TMEM182: variants seen among roughly 807,000 people sequenced by gnomAD.
TMEM182 encodes the protein transmembrane protein 182.
Under a neutral mutation model 26.8 loss-of-function variants are expected in TMEM182, and 20 were observed. The ratio of observed to expected loss-of-function variants is 0.75; its 90% CI spans 0.53 to 1.09. TMEM182 has a LOEUF of 1.09. Among genes scored for constraint, TMEM182 ranks in the 50% least tolerant of loss-of-function variants. The pLI, the probability that TMEM182 is intolerant of heterozygous loss-of-function variation, is 0.00. For synonymous variants in TMEM182, 109 were observed against 102.2 expected (o/e 1.07, Z -0.40); for missense variants, 277 against 275.5 (o/e 1.01, Z -0.04).
chr2:102,808,662 A>G (rs1463747945), intron 4 of TMEM182, among the ~76,000 whole-genome samples: 1 of 152,200 alleles, frequency 6.6e-6, no homozygotes, highest in Admixed American at 6.5e-5. Flanking sequence ...TTTCATTCAT[A>G]ATAGTTAGAA....
At chr2:102,839,457 A>ATG (rs1341921809) in intron 3 of TMEM182, among the ~76,000 whole-genome samples, 2 of 146,554 alleles carry the variant, frequency 1.4e-5, no homozygotes, top group Non-Finnish European at 3.0e-5. Flanking sequence ...CTATATATAT[A>ATG]TATATATATA....
rs73003316 is a variant in TMEM182, at chr2:102,740,146, C to T, written c.-83+3133C>T. Among the ~76,000 whole-genome samples the T allele has an allele frequency of 3.4e-3, 514 of 152,240 alleles. 3 individuals carry two copies. The highest frequency in any genetic ancestry group is 0.012 in the African/African-American group (499 of 41,534). On this transcript the variant is annotated intron_variant, in intron 1 of 5. Transcript: ENST00000409173. Reference sequence around the variant, plus strand: ...CTCATTTATGGTGTACTGCATGTAACTATGTGTCATTTGATTTGTTAATGA... The same window carrying T: ...CTCATTTATGGTGTACTGCATGTAATTATGTGTCATTTGATTTGTTAATGA...
chr2:102,787,714 T>G (rs1300800029), intron 3 of TMEM182, among the ~76,000 whole-genome samples: 1 of 152,230 alleles, frequency 6.6e-6, no homozygotes, highest in Non-Finnish European at 1.5e-5. Flanking sequence ...TCCTAGAAGA[T>G]GCAGAGGGAT....
intron 3 of TMEM182, among the ~76,000 whole-genome samples, chr2:102,783,008 G>A (rs1377704835): frequency 6.6e-6 from 1 of 152,140 alleles, no homozygotes; most frequent in Non-Finnish European, 1.5e-5. Context: ...ATAAACCATA[G>A]ATTTAATATT....
At chr2:102,810,262 A>C (rs1682503824) in intron 4 of TMEM182, among the ~76,000 whole-genome samples, 1 of 152,136 alleles carries the variant, frequency 6.6e-6, no homozygotes, top group South Asian at 2.1e-4. Context: ...TTTGTTTTTA[A>C]ATCTGGTTCT....
upstream of TMEM182, among the ~76,000 whole-genome samples, chr2:102,759,907 C>T (rs903762103): frequency 3.9e-5 from 6 of 152,244 alleles, no homozygotes; most frequent in African/African-American, 7.2e-5. Context: ...CTGGCCACTC[C>T]GCTAGGACAG....
intron 4 of TMEM182, among the ~76,000 whole-genome samples, chr2:102,800,797 T>TTGTG (rs71378190): frequency 0.029 from 3,988 of 137,812 alleles, 78 homozygotes; most frequent in East Asian, 0.066. Context: ...TTTGGACAGT[T>TTGTG]TGTGTGTGTG....
intron 3 of TMEM182, among the ~76,000 whole-genome samples, chr2:102,828,369 T>C (rs918410051): frequency 2.0e-5 from 3 of 152,164 alleles, no homozygotes; most frequent in Non-Finnish European, 4.4e-5. Context: ...AGGGCTGATA[T>C]GTGTCATAAT....
At chr2:102,748,687 T>C (rs1679787313) in intron 1 of TMEM182, among the ~76,000 whole-genome samples, 1 of 152,248 alleles carries the variant, frequency 6.6e-6, no homozygotes, top group South Asian at 2.1e-4. Context: ...ACAAGTGTTG[T>C]GACCTCCTAA....
chr2:102,762,672 GGAA>G lies in TMEM182; in HGVS notation c.220_222del (p.Lys74del). ...GTGGAAGAGAATGACTCCAATATTT[GGAA>G]GTTCTGGTACAGTAAGTACAATTTA... On this transcript the variant is annotated inframe_deletion, in exon 2 of 5. Transcript: ENST00000412401. 2 of 1,613,432 alleles carry G rather than the reference GGAA, an allele frequency of 1.2e-6. No homozygotes were observed. Among genetic ancestry groups the G allele is most frequent in the Non-Finnish European group, 1.7e-6 (2 of 1,179,656 alleles).
upstream of TMEM182, chr2:102,758,615 C>T (rs956547131): frequency 8.1e-6 from 5 of 619,292 alleles, no homozygotes; most frequent in Non-Finnish European, 1.5e-5. Context: ...TGGGCCAGAT[C>T]AGCACTGTTT....
intron 1 of TMEM182, among the ~76,000 whole-genome samples, chr2:102,739,696 C>A (rs1349347267): frequency 1.3e-5 from 2 of 152,164 alleles, no homozygotes; most frequent in Non-Finnish European, 2.9e-5. Flanking sequence ...AGAAGCCAAG[C>A]AGATGCCTCC....
intron 3 of TMEM182, among the ~76,000 whole-genome samples, chr2:102,831,620 G>A (rs577760699): frequency 9.9e-5 from 15 of 152,238 alleles, no homozygotes; most frequent in South Asian, 2.1e-4. Context: ...AGCTCAGTGC[G>A]GTGGTACATG....
intron 1 of TMEM182, among the ~76,000 whole-genome samples, chr2:102,752,366 A>C (rs2540311): frequency 0.46 from 70,073 of 152,028 alleles, 16,575 homozygotes; most frequent in African/African-American, 0.57. Flanking sequence ...TTTGGGTATC[A>C]TGATATGCTC....
chr2:102,785,390 G>C (rs932936693), intron 3 of TMEM182, among the ~76,000 whole-genome samples: 8 of 152,172 alleles, frequency 5.3e-5, no homozygotes, highest in African/African-American at 1.9e-4. Flanking sequence ...ACCATCCATA[G>C]TCTTTCCTTG....
chr2:102,772,463 C>T (rs10172681), intron 3 of TMEM182, among the ~76,000 whole-genome samples: 46,780 of 151,872 alleles, frequency 0.31, 8,564 homozygotes, highest in African/African-American at 0.51. Flanking sequence ...CATGAACAGA[C>T]GAGGTTTGTT....
Position 102,772,234 on chromosome 2 carries a change from C to T in TMEM182, c.331+7807C>T, listed in dbSNP as rs1680707423. On this transcript the variant is annotated intron_variant, in intron 3 of 4. Coordinates refer to ENST00000412401, the MANE Select transcript of TMEM182 (RefSeq NM_144632.5). ...TCTTAGGAGAGAGCATCAACTAGAA[C>T]CAGGGAAAAGCAATTATTGAGTGCC... Among the ~76,000 whole-genome samples, 4 of 152,258 alleles carry T rather than the reference C, an allele frequency of 2.6e-5. No individual in the cohort carries two copies. The South Asian group carries it at 6.2e-4, about 24-fold the overall frequency.
Position 102,764,379 on chromosome 2 carries a change from C to A in TMEM182, c.283C>A (p.Pro95Thr). The A allele has an allele frequency of 6.2e-7, 1 of 1,613,920 alleles. No individual in the cohort carries two copies. Among genetic ancestry groups the A allele is most frequent in the Non-Finnish European group, 8.5e-7 (1 of 1,179,902 alleles). The change falls in exon 3 of 5, where the codon CCC becomes ACC. Residue 95 changes from proline (P) to threonine (T), a missense_variant. Pro to Thr is a conservative substitution (Grantham distance 38). Coordinates refer to ENST00000412401, the MANE Select transcript of TMEM182 (RefSeq NM_144632.5). ...NCTHAYLSPYPFMRGEHNSTS... is the reference protein window; with the variant it reads ...NCTHAYLSPYTFMRGEHNSTS... ...CACACATGCTTACCTGTCTCCGTAC[C>A]CCTTCATGAGAGGCGAGCACAACTC...
chr2:102,806,829 C>T (rs749082338), intron 4 of TMEM182, among the ~76,000 whole-genome samples: 21 of 152,254 alleles, frequency 1.4e-4, no homozygotes, highest in Middle Eastern at 3.4e-3. Context: ...CAGAGCAGTA[C>T]GAAAGTTGCT....
Sources: allele counts gnomAD v4.1 joint callset (sites outside exome capture counted in the v4.1 genomes callset), GRCh38; gene constraint gnomAD v4.1.1; transcripts MANE v1.5; gene names NCBI Gene and HGNC (gene_info 2026-07-23, HGNC 2026-07-21).